Variants in ZNF600 observed in about 807,000 individuals in gnomAD.
The protein encoded by ZNF600 is zinc finger protein KR-ZNF1.
A neutral mutation model predicts 7.3 loss-of-function variants in ZNF600; 4 were observed. That is an observed-to-expected ratio of 0.55 (90% CI 0.27 to 1.25). ZNF600 has a LOEUF of 1.25. Ranked by LOEUF, ZNF600 falls within the 50% of genes most tolerant of loss-of-function variation. The pLI, the probability that ZNF600 is intolerant of heterozygous loss-of-function variation, is 0.12. For synonymous variants in ZNF600, 290 were observed against 308.9 expected, an observed-to-expected ratio of 0.94 and a Z score of 0.64; for missense variants, 911 against 922.1, an observed-to-expected ratio of 0.99 and a Z score of 0.16.
the ZNF600 span, among the ~76,000 whole-genome samples, chr19:52,811,592 T>G: frequency 6.9e-6 from 1 of 143,908 alleles, no homozygotes. Flanking sequence ...CAACCCTGTC[T>G]GGGAGGTGAG....
the ZNF600 span, among the ~76,000 whole-genome samples, chr19:52,829,076 G>C: frequency 0.17 from 25,135 of 152,014 alleles, 3,044 homozygotes; most frequent in East Asian, 0.56. Context: ...ATGCCAGCCA[G>C]GATGGTCTTC....
At chr19:52,813,372 A>G in the ZNF600 span, among the ~76,000 whole-genome samples, 12 of 150,130 alleles carry the variant, frequency 8.0e-5, no homozygotes, top group East Asian at 2.3e-3. Flanking sequence ...GGGGCGGCTT[A>G]TTCACTCTGG....
At chr19:52,799,187 G>T in the ZNF600 span, 2 of 391,386 alleles carry the variant, frequency 5.1e-6, no homozygotes, top group Non-Finnish European at 5.0e-6. Flanking sequence ...TACACTTGTA[G>T]GGTTTCTCTC....
At chr19:52,807,772 G>A in the ZNF600 span, 1 of 719,704 alleles carries the variant, frequency 1.4e-6, no homozygotes, top group Admixed American at 3.3e-5. Flanking sequence ...ACCACGACCA[G>A]GCTGCCATAA....
chr19:52,830,300 G>A, the ZNF600 span, among the ~76,000 whole-genome samples: 2 of 152,018 alleles, frequency 1.3e-5, no homozygotes, highest in Non-Finnish European at 2.9e-5. Flanking sequence ...AAAATCTGGA[G>A]AAAAATTAAC....
chr19:52,797,507 C>G, the ZNF600 span: 1 of 152,218 alleles, frequency 6.6e-6, no homozygotes, highest in African/African-American at 2.4e-5. Context: ...TAAACATATT[C>G]AGTGTATTTG....
exon 3 of ZNF600, chr19:52,774,626 C>T (rs2062658289): frequency 1.3e-5 from 13 of 985,336 alleles, no homozygotes; most frequent in Non-Finnish European, 1.4e-5. Flanking sequence ...CTGTACAAAG[C>T]CCTCTGCGAA....
At chr19:52,803,964 T>G in the ZNF600 span, among the ~76,000 whole-genome samples, 3 of 152,178 alleles carry the variant, frequency 2.0e-5, no homozygotes, top group East Asian at 3.9e-4. Flanking sequence ...CTCAAAAAAA[T>G]AAAATAAGAT....
chr19:52,805,933 T>A, the ZNF600 span: 1 of 152,066 alleles, frequency 6.6e-6, no homozygotes, highest in African/African-American at 2.4e-5. Flanking sequence ...TGAGCTGAGA[T>A]CGCAGCATCG....
At chr19:52,789,965 G>C (rs1010572182), upstream of ZNF600, among the ~76,000 whole-genome samples, 1 of 152,054 alleles carries the variant, frequency 6.6e-6, no homozygotes, top group Admixed American at 6.6e-5. Flanking sequence ...TGGTGGGTAG[G>C]AGTGGGGGTC....
At chr19:52,785,724 C>T (rs114608629) in intron 1 of ZNF600, among the ~76,000 whole-genome samples, 46 of 152,258 alleles carry the variant, frequency 3.0e-4, no homozygotes, top group African/African-American at 1.0e-3. Context: ...AGGTGTCCTC[C>T]CTGCTGTGGT....
chr19:52,808,675 C>A, the ZNF600 span, among the ~76,000 whole-genome samples: 1 of 149,672 alleles, frequency 6.7e-6, no homozygotes, highest in Non-Finnish European at 1.5e-5. Context: ...TTAGCTGGAC[C>A]TGGTGGCAGG....
the ZNF600 span, among the ~76,000 whole-genome samples, chr19:52,814,094 T>C: frequency 1.4e-5 from 2 of 146,388 alleles, no homozygotes; most frequent in Admixed American, 6.9e-5. Flanking sequence ...GCTGCAGAAA[T>C]ACACGTGTAC....
intron 2 of ZNF600, 29 bp from the exon 5 acceptor site, chr19:52,774,730 C>T (rs1296232832): frequency 1.0e-6 from 1 of 985,232 alleles, no homozygotes; most frequent in African/African-American, 1.7e-5. Flanking sequence ...TTCCACAAAA[C>T]ATTATGGAGG....
intron 1 of ZNF600, among the ~76,000 whole-genome samples, chr19:52,782,903 C>T (rs746286172): frequency 1.3e-5 from 2 of 151,336 alleles, no homozygotes; most frequent in Admixed American, 1.3e-4. Flanking sequence ...AATAAATAAT[C>T]ACACAAAAAA....
chr19:52,772,790 C>G (rs968143158), intron 3 of ZNF600, among the ~76,000 whole-genome samples: 55 of 152,076 alleles, frequency 3.6e-4, no homozygotes, highest in East Asian at 1.9e-3. Context: ...AATAGTCAGC[C>G]CAGGCAGGAC....
the ZNF600 span, chr19:52,808,012 G>A: frequency 6.2e-7 from 1 of 1,613,326 alleles, no homozygotes; most frequent in Middle Eastern, 1.7e-4. Context: ...CTCACCCAGG[G>A]AGACCAGGTT....
intron 1 of ZNF600, among the ~76,000 whole-genome samples, chr19:52,785,661 C>T (rs979788752): frequency 6.6e-6 from 1 of 152,078 alleles, no homozygotes; most frequent in Non-Finnish European, 1.5e-5. Context: ...CTATTAAATT[C>T]TCTCTTCCCT....
chr19:52,828,416 G>A, the ZNF600 span, among the ~76,000 whole-genome samples: 9 of 152,196 alleles, frequency 5.9e-5, no homozygotes, highest in African/African-American at 1.7e-4. Context: ...GCGCTGAGCC[G>A]AGATCATGCA....
Sources: allele counts gnomAD v4.1 joint callset (sites outside exome capture counted in the v4.1 genomes callset), GRCh38; gene constraint gnomAD v4.1.1; transcripts MANE v1.5; gene names NCBI Gene and HGNC (gene_info 2026-07-23, HGNC 2026-07-21).